BRCA1: variants seen among roughly 807,000 people sequenced by gnomAD.
BRCA1 encodes BRCA1 DNA repair associated, also known as breast cancer type 1 susceptibility protein.
In BRCA1, 140 loss-of-function variants were observed where a neutral mutation model predicts 173.7. The observed-to-expected ratio is 0.81, with a 90% CI of 0.70 to 0.93. The LOEUF is 0.93. Among genes scored for constraint, BRCA1 ranks in the 40% least tolerant of loss-of-function variants. The pLI is 0.00. For synonymous variants in BRCA1, 662 were observed against 756.0 expected (o/e 0.88, Z 2.04); for missense variants, 1,983 against 2,172.5 (o/e 0.91, Z 1.73).
intron 17 of BRCA1, 120 bp from the exon 18 acceptor site, chr17:43,063,493 C>G: frequency 1.2e-6 from 1 of 808,690 alleles, no homozygotes; most frequent in Non-Finnish European, 2.1e-6. Flanking sequence ...AGAGGTCCTT[C>G]CCTCTAAAGC....
In BRCA1 at chr17:43,115,857, A is replaced by G. The variant is rs995885141; in HGVS notation, c.81-78T>C. The G allele has an allele frequency of 2.0e-5, 29 of 1,448,122 alleles. No individual in the cohort carries two copies. In the African/African-American group the frequency reaches 2.8e-4, roughly 14 times the overall value. 89.7% of individuals were successfully genotyped at this position (1,448,122 alleles called of 1,614,324 possible). ...TTAAAAATAAAGCTATTCTTAGTGA[A>G]TAAGTTCAACTTTGAGCTGTTATGA... On this transcript the variant is annotated intron_variant, in intron 2 of 22. Coordinates refer to ENST00000357654, the MANE Select transcript of BRCA1 (RefSeq NM_007294.4).
rs371770883 is a variant in BRCA1, at chr17:43,079,714, C to T, written c.4357+2690G>A. 39 of 1,378,246 alleles carry T rather than the reference C, an allele frequency of 2.8e-5. No individual in the cohort carries two copies. The East Asian group carries it at 5.5e-4, about 19-fold the overall frequency. The allele number at this position is 1,378,246 out of a possible 1,614,324, so 85.4% of individuals were successfully genotyped here. ...AGCCTGCTCCACCCAGAGAAGCACA[C>T]TTTGTGAGAACCAATGGGAAGGAGC... On this transcript the variant is annotated intron_variant, in intron 12 of 22. Transcript: ENST00000357654.
At chr17:43,153,078 A>G (rs1330695326) in intron 1 of BRCA1, among the ~76,000 whole-genome samples, 1 of 152,106 alleles carries the variant, frequency 6.6e-6, no homozygotes, top group Non-Finnish European at 1.5e-5. Flanking sequence ...GGAGAACTCC[A>G]CTGGTTAAGA....
chr17:43,149,650 T>C (rs2056148081), intron 1 of BRCA1, among the ~76,000 whole-genome samples: 1 of 152,322 alleles, frequency 6.6e-6, no homozygotes, highest in Admixed American at 6.5e-5. Flanking sequence ...ATATGAAGCA[T>C]GATCAATCAG....
chr17:43,125,129 T>C (rs2055813665), intron 1 of BRCA1, 142 bp downstream of exon 1: 1 of 430,992 alleles, frequency 2.3e-6, no homozygotes, highest in Non-Finnish European at 4.6e-6. Flanking sequence ...TCCCCAGGGT[T>C]CACAACGCCT....
intron 3 of BRCA1, among the ~76,000 whole-genome samples, chr17:43,114,415 C>G (rs1412518506): frequency 6.7e-6 from 1 of 149,116 alleles, no homozygotes; most frequent in Non-Finnish European, 1.5e-5. Context: ...TTGAGTCTCC[C>G]TCTTGTCGCC....
At chr17:43,160,218 A>T (rs1336889620) in intron 1 of BRCA1, 1 of 151,506 alleles carries the variant, frequency 6.6e-6, no homozygotes, top group Admixed American at 6.6e-5. Flanking sequence ...ATTTTTTTGT[A>T]TTTTTTTAGT....
chr17:43,100,608 A>G (rs1425088042), intron 6 of BRCA1, among the ~76,000 whole-genome samples: 2 of 82,710 alleles, frequency 2.4e-5, no homozygotes, highest in Non-Finnish European at 4.5e-5. Context: ...TATATATATA[A>G]CATATATATA....
chr17:43,143,014 A>G (rs2056089541), intron 1 of BRCA1, among the ~76,000 whole-genome samples: 1 of 149,626 alleles, frequency 6.7e-6, no homozygotes, highest in African/African-American at 2.5e-5. Context: ...ATATGTGTGC[A>G]TATATATGTA....
chr17:43,086,105 T>TACAC (rs1385920078), intron 11 of BRCA1, among the ~76,000 whole-genome samples: 40 of 94,160 alleles, frequency 4.2e-4, no homozygotes, highest in African/African-American at 1.4e-3. Flanking sequence ...TTTTATCACA[T>TACAC]ACATACACAC....
intron 1 of BRCA1, chr17:43,162,751 G>C (rs1461195422): frequency 6.6e-6 from 1 of 152,062 alleles, no homozygotes; most frequent in South Asian, 2.1e-4. Flanking sequence ...CTCATGCTTC[G>C]GCCGTGCGTG....
chr17:43,106,247 G>C (rs961808545), intron 4 of BRCA1, among the ~76,000 whole-genome samples: 2 of 152,086 alleles, frequency 1.3e-5, no homozygotes, highest in African/African-American at 4.8e-5. Context: ...AAGCATTAGA[G>C]AAAGGCAGTA....
intron 8 of BRCA1, among the ~76,000 whole-genome samples, chr17:43,096,556 G>A (rs945826141): frequency 2.2e-5 from 3 of 139,328 alleles, no homozygotes; most frequent in African/African-American, 8.2e-5. Flanking sequence ...TGGCAACAGG[G>A]CAAGACCCCG....
rs56679756 is a variant in BRCA1 at position 43,100,678 on chromosome 17, A to AAT, written c.442-800_442-799dup. Among the ~76,000 whole-genome samples, 32 of 36,256 alleles carry AAT rather than the reference A, an allele frequency of 8.8e-4. 1 individual carries two copies. Among genetic ancestry groups the AAT allele is most frequent in the South Asian group, 3.4e-3 (3 of 870 alleles). The allele number at this position is 36,256 out of a possible 152,430, so 23.8% of individuals were successfully genotyped here. A position where few individuals can be genotyped will look rare whatever the true frequency, so the allele number is the denominator to read the frequency against. ...ATAACATATATATATATATATATAT[A>AAT]ATATATATATATATATATATATATG... On this transcript the variant is annotated intron_variant, in intron 6 of 22. Transcript: ENST00000357654.
chr17:43,057,890 T>G (rs2051575732), intron 18 of BRCA1, among the ~76,000 whole-genome samples: 1 of 145,518 alleles, frequency 6.9e-6, no homozygotes, highest in Non-Finnish European at 1.5e-5. Flanking sequence ...CGTGGTGGCA[T>G]GCACCTGTAG....
At position 43,092,695 on chromosome 17, in the gene BRCA1, T is replaced by A. The variant is rs876660901; in HGVS notation, c.2836A>T (p.Ile946Phe). 1 of 1,614,136 alleles carries A rather than the reference T, an allele frequency of 6.2e-7. No individual in the cohort carries two copies. The highest frequency in any genetic ancestry group is 1.7e-5 in the Admixed American group (1 of 60,008). The change falls in exon 10 of 23, where the codon ATC (isoleucine) becomes TTC (phenylalanine). Residue 946 changes from isoleucine to phenylalanine, a missense_variant. Physicochemically the swap from Ile to Phe is conservative, Grantham distance 21 (BLOSUM62 0). Coordinates refer to ENST00000357654, the MANE Select transcript of BRCA1 (RefSeq NM_007294.4). ...AGACAAAACCTAGAGCCTCCTTTGA[T>A]ACTACATTTGGCATTATCAACTGGC... ...DKPVDNAKCSIKGGSRFCLSS... is the reference protein window; with the variant it reads ...DKPVDNAKCSFKGGSRFCLSS...
intron 1 of BRCA1, among the ~76,000 whole-genome samples, chr17:43,135,570 G>A (rs530873726): frequency 4.9e-4 from 74 of 152,322 alleles, no homozygotes; most frequent in African/African-American, 1.6e-3. Flanking sequence ...GCCTTCATCC[G>A]CGTGGAACCT....
In BRCA1 at chr17:43,082,424, T is replaced by A. The variant is rs1273755215; in HGVS notation, c.4337A>T (p.Glu1446Val). ...SSALEDLRNP[E>V]QSTSEKAVLT... ...CACACCTTTTTCTGATGTGCTTTGT[T>A]CTGGATTTCGCAGGTCCTCAAGGGC... The change falls in exon 12 of 23, where the codon GAA (glutamate) becomes GTA (valine). Residue 1446 changes from glutamate (E) to valine (V), a missense_variant. Physicochemically the swap from Glu to Val is moderately radical, Grantham distance 121. Coordinates refer to ENST00000357654, the MANE Select transcript of BRCA1 (RefSeq NM_007294.4). 6.2e-7 allele frequency: 1 copy of A among 1,614,152 alleles called. No individual in the cohort carries two copies.
At chr17:43,056,972 A>G (rs2153340775) in intron 19 of BRCA1, 80 bp downstream of exon 19, 1 of 1,289,928 alleles carries the variant, frequency 7.8e-7, no homozygotes, top group South Asian at 1.2e-5. Flanking sequence ...TACAAAATGA[A>G]GCGGCCCATC....
Sources: gnomAD v4.1 joint callset for allele counts (sites outside exome capture counted in the v4.1 genomes callset) on GRCh38, gnomAD v4.1.1 for gene constraint, MANE v1.5 for transcripts, NCBI Gene and HGNC (gene_info 2026-07-23, HGNC 2026-07-21) for gene names.